The following FRYL variants were observed in gnomAD, a reference collection of about 807,000 sequenced individuals.
FRYL encodes protein furry homolog-like.
In FRYL, 150 loss-of-function variants were observed where a neutral mutation model predicts 351.2. The ratio of observed to expected loss-of-function variants is 0.43; its 90% CI spans 0.37 to 0.49. The LOEUF is 0.49. Among genes scored for constraint, FRYL ranks in the 20% least tolerant of loss-of-function variants. FRYL has a pLI of 0.00. For missense variants in FRYL, 3,036 were observed against 3,619.3 expected, an observed-to-expected ratio of 0.84 and a Z score of 4.13; for synonymous variants, 1,153 against 1,257.1, an observed-to-expected ratio of 0.92 and a Z score of 1.75.
At chr4:48,703,993 C>T (rs1364180397) in intron 2 of FRYL, among the ~76,000 whole-genome samples, 1 of 152,130 alleles carries the variant, frequency 6.6e-6, no homozygotes, top group African/African-American at 2.4e-5. Context: ...CACATTCTAT[C>T]TAAAGCATGT....
In FRYL at chr4:48,590,809, C is replaced by T. The variant is rs772558370; in HGVS notation, c.1357G>A (p.Val453Ile). The T allele has an allele frequency of 6.2e-7, 1 of 1,612,076 alleles. No homozygotes were observed. The highest frequency in any genetic ancestry group is 8.5e-7 in the Non-Finnish European group (1 of 1,179,458). ...AAACTGTCTGCTATTACAAGGAAGA[C>T]TCTGAGACCTATGTTCATTCTCTTC... ...NPERMNIGLRVFLVIADSLQQ... is the reference protein window; with the variant it reads ...NPERMNIGLRIFLVIADSLQQ... Residue 453 changes from valine to isoleucine, a missense_variant, in exon 17 of 64, where the codon GTC becomes ATC. Val to Ile is a conservative substitution (Grantham distance 29). Coordinates refer to ENST00000358350, the MANE Select transcript of FRYL (RefSeq NM_015030.2).
chr4:48,612,922 A>C (rs1027370742), intron 7 of FRYL, among the ~76,000 whole-genome samples: 3 of 152,050 alleles, frequency 2.0e-5, no homozygotes, highest in Non-Finnish European at 4.4e-5. Context: ...TATTGTTGTA[A>C]ATCTTTTACT....
chr4:48,725,899 G>A (rs1770026201), intron 1 of FRYL, among the ~76,000 whole-genome samples: 1 of 152,110 alleles, frequency 6.6e-6, no homozygotes, highest in African/African-American at 2.4e-5. Flanking sequence ...AGTATACATA[G>A]GATTTGGCAC....
intron 26 of FRYL, chr4:48,571,963 T>G: frequency 2.6e-5 from 26 of 985,408 alleles, no homozygotes; most frequent in Non-Finnish European, 3.1e-5. Flanking sequence ...TAACAAGTCA[T>G]CCAGCACTGT....
intron 1 of FRYL, among the ~76,000 whole-genome samples, chr4:48,726,737 C>T (rs1167299137): frequency 6.6e-6 from 1 of 152,094 alleles, no homozygotes; most frequent in Non-Finnish European, 1.5e-5. Context: ...AATTGTTGGG[C>T]TCTGAACCTC....
chr4:48,507,683 G>A (rs746631282), intron 59 of FRYL, among the ~76,000 whole-genome samples: 17 of 148,450 alleles, frequency 1.1e-4, no homozygotes, highest in Admixed American at 4.1e-4. Context: ...AGTTTCACTG[G>A]GCTGGGAAAA....
chr4:48,680,908 A>G, intron 3 of FRYL: 1 of 1,027,994 alleles, frequency 9.7e-7, no homozygotes, highest in Non-Finnish European at 1.2e-6. Flanking sequence ...AAAGGATGCA[A>G]AGAAATACGT....
At chr4:48,637,856 A>G (rs531246106) in intron 3 of FRYL, 1 of 152,280 alleles carries the variant, frequency 6.6e-6, no homozygotes, top group East Asian at 1.9e-4. Flanking sequence ...ATTATAAAAT[A>G]AATTTAAATT....
At chr4:48,640,725 G>C (rs1259265202) in intron 3 of FRYL, among the ~76,000 whole-genome samples, 1 of 152,168 alleles carries the variant, frequency 6.6e-6, no homozygotes, top group Non-Finnish European at 1.5e-5. Context: ...GGAGTGGAGA[G>C]AGGGTATGCG....
At chr4:48,685,128 C>T (rs1349954336) in intron 2 of FRYL, among the ~76,000 whole-genome samples, 1 of 152,150 alleles carries the variant, frequency 6.6e-6, no homozygotes, top group African/African-American at 2.4e-5. Flanking sequence ...AAGCAAATTC[C>T]AGACATTATA....
At chr4:48,508,363 C>A (rs1003214607) in intron 59 of FRYL, among the ~76,000 whole-genome samples, 6 of 152,122 alleles carry the variant, frequency 3.9e-5, no homozygotes, top group African/African-American at 1.2e-4. Flanking sequence ...ACATCTTTAC[C>A]ATATTGAGTC....
chr4:48,595,397 T>G (rs1744395152), intron 15 of FRYL, among the ~76,000 whole-genome samples, 193 bp downstream of exon 15: 1 of 152,236 alleles, frequency 6.6e-6, no homozygotes, highest in Admixed American at 6.5e-5. Context: ...TGAGATATGT[T>G]GTTTATCCCT....
chr4:48,519,020 A>G (rs1724307560), intron 55 of FRYL, among the ~76,000 whole-genome samples: 1 of 152,234 alleles, frequency 6.6e-6, no homozygotes. Flanking sequence ...GAATGCTCAC[A>G]TGCCATGTGG....
chr4:48,580,619 T>C (rs549388366), intron 22 of FRYL: 59 of 394,074 alleles, frequency 1.5e-4, no homozygotes, highest in Non-Finnish European at 1.8e-4. Flanking sequence ...CTTCTTAGAT[T>C]GGAAGGATGA....
At chr4:48,579,392 C>T (rs747437852) in intron 22 of FRYL, 151 bp from the exon 23 acceptor site, 197 of 610,634 alleles carry the variant, frequency 3.2e-4, no homozygotes, top group Non-Finnish European at 5.1e-4. Context: ...TAGAGAATTC[C>T]TGAAACTGCA....
At chr4:48,530,555 G>T (rs1018323849) in intron 50 of FRYL, among the ~76,000 whole-genome samples, 1 of 152,034 alleles carries the variant, frequency 6.6e-6, no homozygotes, top group African/African-American at 2.4e-5. Context: ...ACTATGAAAT[G>T]CAAGATCCCC....
intron 1 of FRYL, among the ~76,000 whole-genome samples, chr4:48,736,493 A>T (rs533145380): frequency 6.6e-6 from 1 of 152,266 alleles, no homozygotes; most frequent in Admixed American, 6.5e-5. Flanking sequence ...AACAACTAAT[A>T]TTAGAAAATG....
At position 48,739,566 on chromosome 4, in the gene FRYL, A is replaced by T. The variant is rs113280799; in HGVS notation, c.-383-28868T>A. On this transcript the variant is annotated intron_variant, in intron 1 of 63. Transcript: ENST00000358350. Reference sequence around the variant, plus strand: ...AGACCTTAAACTCACCACAAAAAAAAAACTCAAAATGAATCACAGACCCAA... The same window carrying T: ...AGACCTTAAACTCACCACAAAAAAATAACTCAAAATGAATCACAGACCCAA... Among the ~76,000 whole-genome samples, 683 of 152,270 alleles carry T rather than the reference A, an allele frequency of 4.5e-3. 4 individuals carry two copies. The highest frequency in any genetic ancestry group is 0.015 in the African/African-American group (634 of 41,566).
chr4:48,567,385 A>T lies in FRYL; in HGVS notation c.3032T>A (p.Leu1011His). 1 of 1,607,892 alleles carries T rather than the reference A, an allele frequency of 6.2e-7. No individual in the cohort carries two copies. The highest frequency in any genetic ancestry group is 8.5e-7 in the Non-Finnish European group (1 of 1,178,228). Residue 1011 changes from leucine (L) to histidine (H), a missense_variant, in exon 28 of 64, where the codon CTC (leucine) becomes CAC (histidine). By Grantham distance (99) the Leu-to-His change is moderately conservative (BLOSUM62 -3). Transcript: ENST00000358350. The surrounding 1 kb of genome is among the most constrained non-coding windows in gnomAD (Gnocchi z 4.2). The part of the protein sequence containing the change: ...SGGLDNETHF[L>H]NNTLLEYVDL... ...TACATATTCCAATAAAGTGTTGTTG[A>T]GAAAATGTGTTTCATTATCAAGGCC...
Sources: gnomAD v4.1 joint callset for allele counts (sites outside exome capture counted in the v4.1 genomes callset) on GRCh38, gnomAD v4.1.1 for gene constraint, Gnocchi (gnomAD v3.1) non-coding constraint, MANE v1.5 for transcripts, NCBI Gene and HGNC (gene_info 2026-07-23, HGNC 2026-07-21) for gene names.